Variants in MGAT5 observed in about 807,000 individuals in gnomAD.
MGAT5 encodes the protein alpha-1,6-mannosylglycoprotein 6-beta-N-acetylglucosaminyltransferase A.
In MGAT5, 30 loss-of-function variants were observed where a neutral mutation model predicts 94.3. The observed-to-expected ratio is 0.32, with a 90% CI of 0.24 to 0.43. The LOEUF (loss-of-function observed/expected upper bound fraction) is 0.43, where lower values mean the gene tolerates loss of function less well. MGAT5 is among the 20% of genes least tolerant of loss of function. The probability of loss-of-function intolerance (pLI) is 1.00; values close to 1 mark genes in which losing one functional copy is unlikely to be tolerated. For missense variants in MGAT5, 691 were observed against 905.5 expected (o/e 0.76, Z 3.04); for synonymous variants, 310 against 322.9 (o/e 0.96, Z 0.43).
intron 8 of MGAT5, among the ~76,000 whole-genome samples, chr2:134,349,382 A>G (rs1679219176): frequency 6.6e-6 from 1 of 152,186 alleles, no homozygotes; most frequent in Non-Finnish European, 1.5e-5. Flanking sequence ...AACACGTGTC[A>G]TATGCTTTAA....
chr2:134,199,499 CT>C (rs58896555), intron 1 of MGAT5, among the ~76,000 whole-genome samples: 162 of 145,712 alleles, frequency 1.1e-3, no homozygotes, highest in Middle Eastern at 3.6e-3. Context: ...TTGCCTGCTC[CT>C]TTTTTTTTTT....
chr2:134,138,734 C>G (rs763232534), intron 1 of MGAT5, among the ~76,000 whole-genome samples: 1 of 152,136 alleles, frequency 6.6e-6, no homozygotes, highest in Non-Finnish European at 1.5e-5. Flanking sequence ...ACCGGACAAA[C>G]GTGAAACTTA....
chr2:134,348,276 G>A (rs999075024), intron 8 of MGAT5, among the ~76,000 whole-genome samples: 5 of 152,094 alleles, frequency 3.3e-5, no homozygotes, highest in Non-Finnish European at 4.4e-5. Flanking sequence ...TATCGGCCAC[G>A]AGGCCAATGA....
At chr2:134,219,162 A>G (rs1680634834) in intron 1 of MGAT5, among the ~76,000 whole-genome samples, 1 of 152,172 alleles carries the variant, frequency 6.6e-6, no homozygotes, top group Non-Finnish European at 1.5e-5. Flanking sequence ...GTCGGGGTGC[A>G]GCGGCTTCAT....
intron 1 of MGAT5, among the ~76,000 whole-genome samples, chr2:134,227,528 TA>T (rs1334867937): frequency 6.6e-6 from 1 of 152,194 alleles, no homozygotes; most frequent in Non-Finnish European, 1.5e-5. Flanking sequence ...AATTATTGCC[TA>T]AAACAAATAA....
intron 1 of MGAT5, among the ~76,000 whole-genome samples, chr2:134,229,826 G>A (rs1204423235): frequency 6.6e-6 from 1 of 152,146 alleles, no homozygotes; most frequent in African/African-American, 2.4e-5. Context: ...CAGTGACAAA[G>A]ACAGATGAGC....
upstream of MGAT5, among the ~76,000 whole-genome samples, chr2:134,253,457 A>G (rs1025681882): frequency 1.3e-5 from 2 of 152,180 alleles, no homozygotes; most frequent in Non-Finnish European, 2.9e-5. Flanking sequence ...GGCATTAGAT[A>G]GGATCTGGCT....
upstream of MGAT5, among the ~76,000 whole-genome samples, chr2:134,249,429 C>A (rs1307150627): frequency 6.6e-6 from 1 of 152,062 alleles, no homozygotes; most frequent in African/African-American, 2.4e-5. Context: ...ATACCCCAGC[C>A]CTAAGCAAGT....
chr2:134,189,750 T>C (rs1689275500), intron 1 of MGAT5, among the ~76,000 whole-genome samples: 1 of 151,732 alleles, frequency 6.6e-6, no homozygotes, highest in Non-Finnish European at 1.5e-5. Context: ...TACAGGTGCC[T>C]GCCAGCATGC....
At chr2:134,419,442 TTGTGTGTGTGTGTGTGTGTGTGTG>T (rs56181696) in intron 12 of MGAT5, among the ~76,000 whole-genome samples, 11 of 134,136 alleles carry the variant, frequency 8.2e-5, no homozygotes, top group Admixed American at 5.4e-4. Flanking sequence ...GCTTCAGGGT[TTGTGTGTGTGTGTGTGTGTGTGTG>T]TGTGTGTGTG....
At chr2:134,435,799 A>T (rs1324665409) in intron 14 of MGAT5, among the ~76,000 whole-genome samples, 1 of 152,214 alleles carries the variant, frequency 6.6e-6, no homozygotes, top group East Asian at 1.9e-4. Context: ...AGAATGAAGG[A>T]ATGAGTACTT....
chr2:134,441,167 T>C (rs557203615), intron 14 of MGAT5, among the ~76,000 whole-genome samples: 1 of 152,378 alleles, frequency 6.6e-6, no homozygotes, highest in Admixed American at 6.5e-5. Flanking sequence ...ACTAAGTCCC[T>C]ACCAAAGACA....
intron 13 of MGAT5, among the ~76,000 whole-genome samples, chr2:134,426,961 G>A (rs563761854): frequency 6.6e-6 from 1 of 152,256 alleles, no homozygotes; most frequent in South Asian, 2.1e-4. Context: ...TCTGACAGCT[G>A]TAGGCCACTG....
At chr2:134,326,052 C>CTCT (rs575100363) in intron 4 of MGAT5, among the ~76,000 whole-genome samples, 251 of 135,894 alleles carry the variant, frequency 1.8e-3, no homozygotes, top group African/African-American at 4.4e-3. Flanking sequence ...CTCTCTCTCT[C>CTCT]TTTTTTTTTT....
At chr2:134,318,227 C>T (rs917617894) in intron 3 of MGAT5, among the ~76,000 whole-genome samples, 3 of 152,152 alleles carry the variant, frequency 2.0e-5, no homozygotes. Context: ...GTGGGCCGTC[C>T]GTCAACGCTC....
intron 1 of MGAT5, among the ~76,000 whole-genome samples, chr2:134,165,652 G>C (rs956301420): frequency 1.3e-5 from 2 of 152,154 alleles, no homozygotes; most frequent in Non-Finnish European, 2.9e-5. Context: ...GCGGGCGCCT[G>C]TAGTCCCAGC....
intron 10 of MGAT5, among the ~76,000 whole-genome samples, chr2:134,396,254 CAA>C (rs1443715866): frequency 6.6e-6 from 1 of 152,162 alleles, no homozygotes; most frequent in Admixed American, 6.5e-5. Flanking sequence ...ATAAATGAGC[CAA>C]AGACTGCAGA....
At chr2:134,413,054 G>T in intron 12 of MGAT5, 39 bp downstream of exon 12, 2 of 1,603,756 alleles carry the variant, frequency 1.2e-6, no homozygotes, top group Non-Finnish European at 1.7e-6. Flanking sequence ...TGAATAATAT[G>T]AATAATAGCT....
At chr2:134,317,446 T>G in intron 2 of MGAT5, 83 bp from the exon 3 acceptor site, 1 of 1,029,772 alleles carries the variant, frequency 9.7e-7, no homozygotes. Context: ...TTGGTTTCTC[T>G]CCCTACCTCT....
Sources: gnomAD v4.1 joint callset for allele counts (sites outside exome capture counted in the v4.1 genomes callset) on GRCh38, gnomAD v4.1.1 for gene constraint, MANE v1.5 for transcripts, NCBI Gene and HGNC (gene_info 2026-07-23, HGNC 2026-07-21) for gene names.